ITGA5: variants seen among roughly 807,000 people sequenced by gnomAD.
The protein encoded by ITGA5 is integrin subunit alpha 5.
Under a neutral mutation model 146.3 loss-of-function variants are expected in ITGA5, and 55 were observed. The observed-to-expected ratio is 0.38, with a 90% CI of 0.30 to 0.47. ITGA5 has a LOEUF of 0.47. Ranked by LOEUF, ITGA5 falls within the 20% of genes least tolerant of loss-of-function variation. The pLI is 0.99. For missense variants in ITGA5, 1,131 were observed against 1,329.0 expected, an observed-to-expected ratio of 0.85 and a Z score of 2.32; for synonymous variants, 500 against 531.8, an observed-to-expected ratio of 0.94 and a Z score of 0.82.
At position 54,401,377 on chromosome 12, in the gene ITGA5, T is replaced by C; in HGVS notation, c.2489A>G (p.Tyr830Cys). Residue 830 changes from tyrosine to cysteine, a missense_variant, in exon 24 of 30, where the codon TAT (tyrosine) becomes TGT (cysteine). Coordinates refer to ENST00000293379, the MANE Select transcript of ITGA5 (RefSeq NM_002205.5). This position sits in a 1 kb window ranked among gnomAD's most constrained non-coding sequence, Gnocchi z 5.0. ...EDLGPAVHHV[Y>C]ELINQGPSSI... Reference sequence around the variant, plus strand: ...CCCTGCCCCTTCCCCCCTTACCTCATAGACATGGTGGACAGCAGGTCCCAG... The same window carrying C: ...CCCTGCCCCTTCCCCCCTTACCTCACAGACATGGTGGACAGCAGGTCCCAG... The C allele has an allele frequency of 1.2e-6, 2 of 1,608,372 alleles. No homozygotes were observed. Among genetic ancestry groups the C allele is most frequent in the Non-Finnish European group, 1.7e-6 (2 of 1,174,912 alleles).
At chr12:54,414,708 G>A (rs151105855) in intron 1 of ITGA5, among the ~76,000 whole-genome samples, 5,020 of 150,966 alleles carry the variant, frequency 0.033, 417 homozygotes, top group African/African-American at 0.12. Flanking sequence ...TTATCCGGGC[G>A]TGGTGGCGGG....
intron 2 of ITGA5, among the ~76,000 whole-genome samples, chr12:54,410,077 G>A (rs573945113): frequency 1.3e-5 from 2 of 151,916 alleles, no homozygotes; most frequent in African/African-American, 2.4e-5. Context: ...GGCTGATCTC[G>A]AACTCCTGAC....
rs1056835262 is a variant in ITGA5, at chr12:54,401,768, C to T, written c.2306+8G>A. The T allele has an allele frequency of 6.2e-7, 1 of 1,613,944 alleles. No individual in the cohort carries two copies. Among genetic ancestry groups the T allele is most frequent in the Non-Finnish European group, 8.5e-7 (1 of 1,179,820 alleles). ...CTCAGCCCCAGCCTAGACACACTCA[C>T]TCCCTACCTGAGGATCTGGAAGTCA... On this transcript the variant is annotated splice_region_variant and intron_variant, in intron 22 of 29. Transcript: ENST00000293379. The surrounding 1 kb of genome is among the most constrained non-coding windows in gnomAD (Gnocchi z 5.0).
Position 54,401,059 on chromosome 12 carries a change from TG to T in ITGA5, c.2494-65del. On this transcript the variant is annotated intron_variant, in intron 24 of 29. Transcript: ENST00000293379. This position sits in a 1 kb window ranked among gnomAD's most constrained non-coding sequence, Gnocchi z 5.0. ...GAATGCTTCTGCCCCATTGAGACCC[TG>T]GATCACCATGGCTCCACTATACCCT... 1 of 1,491,670 alleles carries T rather than the reference TG, an allele frequency of 6.7e-7. No homozygotes were observed. Among genetic ancestry groups the T allele is most frequent in the Non-Finnish European group, 9.2e-7 (1 of 1,087,374 alleles). 92.4% of individuals were successfully genotyped at this position (1,491,670 alleles called of 1,614,324 possible). A position where few individuals can be genotyped will look rare whatever the true frequency, so the allele number is the denominator to read the frequency against.
intron 25 of ITGA5, chr12:54,400,204 G>A: frequency 2.1e-6 from 1 of 485,140 alleles, no homozygotes; most frequent in Non-Finnish European, 3.7e-6. Context: ...TGCACTGGAT[G>A]TTCCCTTGGT....
intron 6 of ITGA5, 28 bp from the exon 7 acceptor site, chr12:54,408,263 T>C: frequency 6.2e-7 from 1 of 1,611,842 alleles, no homozygotes; most frequent in Non-Finnish European, 8.5e-7. Flanking sequence ...AGGGAGTAGA[T>C]GGAGAGGAAG....
rs764104678 is a variant in ITGA5, at chr12:54,405,179, C to T, written c.1212G>A (p.Gln404=). The change falls in exon 12 of 30, where the codon CAG becomes CAA. Residue 404 remains glutamine (Q), a synonymous_variant. Coordinates refer to ENST00000293379, the MANE Select transcript of ITGA5 (RefSeq NM_002205.5). Reference sequence around the variant, plus strand: ...CATGGTACTCACCATTGTAGCCATCCTGGTCCAGGTCCCCCAGGGGGGTCA... The same window carrying T: ...CATGGTACTCACCATTGTAGCCATCTTGGTCCAGGTCCCCCAGGGGGGTCA... ...SSLTPLGDLD[Q]DGYNDVAIGA... The T allele has an allele frequency of 6.2e-7, 1 of 1,602,912 alleles. No individual in the cohort carries two copies. The highest frequency in any genetic ancestry group is 2.2e-5 in the East Asian group (1 of 44,676).
intron 1 of ITGA5, among the ~76,000 whole-genome samples, chr12:54,418,174 C>G (rs1671070740): frequency 6.6e-6 from 1 of 152,050 alleles, no homozygotes. Context: ...CTCTTCCTCC[C>G]AAGAGCCAGA....
Position 54,399,626 on chromosome 12 carries a change from T to A in ITGA5, c.2841+19A>T. ...AGGCCCAAAGGTCAGGGGTCAGGGC[T>A]GAGGTAAGGCTCCCTCACCTGCAAG... On this transcript the variant is annotated intron_variant, in intron 27 of 29. Transcript: ENST00000293379. The A allele has an allele frequency of 6.4e-7, 1 of 1,571,428 alleles. No homozygotes were observed. Among genetic ancestry groups the A allele is most frequent in the East Asian group, 2.2e-5 (1 of 44,632 alleles).
intron 2 of ITGA5, among the ~76,000 whole-genome samples, chr12:54,410,553 T>A (rs1199588381): frequency 4.4e-5 from 6 of 135,126 alleles, no homozygotes; most frequent in African/African-American, 1.7e-4. Context: ...TTTATTTTAA[T>A]TTTTTTTTTT....
intron 28 of ITGA5, 50 bp from the exon 29 acceptor site, chr12:54,397,537 C>T: frequency 6.2e-7 from 1 of 1,606,992 alleles, no homozygotes; most frequent in Non-Finnish European, 8.5e-7. Flanking sequence ...GTTCTTTCTA[C>T]CCTATACTTG....
At position 54,398,615 on chromosome 12, in the gene ITGA5, C is replaced by G. The variant is rs767565107; in HGVS notation, c.2925G>C (p.Leu975=). The part of the protein sequence containing the change: ...KMPYRILPRQ[L]PQKERQVATA... Reference sequence around the variant, plus strand: ...GACTCACCTGACGCTCTTTTTGGGGCAGCTGCCGAGGCAGGATTCGGTAGG... The same window carrying G: ...GACTCACCTGACGCTCTTTTTGGGGGAGCTGCCGAGGCAGGATTCGGTAGG... Residue 975 remains leucine (L), a synonymous_variant, in exon 28 of 30, where the codon CTG becomes CTC. Coordinates refer to ENST00000293379, the MANE Select transcript of ITGA5 (RefSeq NM_002205.5). The G allele has an allele frequency of 3.7e-6, 6 of 1,611,092 alleles. No homozygotes were observed. Among genetic ancestry groups the G allele is most frequent in the Non-Finnish European group, 5.1e-6 (6 of 1,178,756 alleles).
Position 54,405,380 on chromosome 12 carries a change from G to T in ITGA5, c.1017-6C>A. The T allele has an allele frequency of 1.3e-6, 2 of 1,596,574 alleles. No homozygotes were observed. Among genetic ancestry groups the T allele is most frequent in the East Asian group, 2.2e-5 (1 of 44,460 alleles). On this transcript the variant is annotated splice_polypyrimidine_tract_variant and splice_region_variant and intron_variant, in intron 11 of 29. Transcript: ENST00000293379. ...CCACCAGCAAGTCATCCAGCCTGAGGGGAAGGGCAAACCCAGGCATCTCGA... is the reference window on the plus strand; with the variant it reads ...CCACCAGCAAGTCATCCAGCCTGAGTGGAAGGGCAAACCCAGGCATCTCGA...
intron 1 of ITGA5, 132 bp downstream of exon 1, chr12:54,418,849 C>T (rs1404170229): frequency 2.7e-6 from 3 of 1,108,896 alleles, no homozygotes; most frequent in African/African-American, 3.3e-5. Context: ...AGCCAGGGCC[C>T]CCAACTGCAG....
intron 1 of ITGA5, among the ~76,000 whole-genome samples, chr12:54,415,603 C>G (rs1046350487): frequency 6.6e-6 from 1 of 152,318 alleles, no homozygotes; most frequent in Non-Finnish European, 1.5e-5. Flanking sequence ...CCATTGCCAA[C>G]TTATTCCCTC....
intron 1 of ITGA5, among the ~76,000 whole-genome samples, chr12:54,415,002 G>T (rs957944780): frequency 1.3e-5 from 2 of 151,490 alleles, no homozygotes; most frequent in Non-Finnish European, 2.9e-5. Flanking sequence ...TACAAAATTA[G>T]CTGGGCGTGG....
Position 54,396,157 on chromosome 12 carries a change from G to A in ITGA5, c.*136C>T. On this transcript the variant is annotated 3_prime_UTR_variant, in exon 30 of 30. Coordinates refer to ENST00000293379, the MANE Select transcript of ITGA5 (RefSeq NM_002205.5). Reference sequence around the variant, plus strand: ...CACCCCCCTGGCTCTGGCCCTTCAAGTATGTCTCTGGGCTGGGGAGAGGAG... The same window carrying A: ...CACCCCCCTGGCTCTGGCCCTTCAAATATGTCTCTGGGCTGGGGAGAGGAG... 1.5e-6 allele frequency: 1 copy of A among 673,240 alleles called. No individual in the cohort carries two copies. Among genetic ancestry groups the A allele is most frequent in the Non-Finnish European group, 2.6e-6 (1 of 386,308 alleles). 41.7% of individuals were successfully genotyped at this position (673,240 alleles called of 1,614,324 possible).
At chr12:54,398,068 T>C (rs1474060313) in intron 28 of ITGA5, among the ~76,000 whole-genome samples, 2 of 152,100 alleles carry the variant, frequency 1.3e-5, no homozygotes, top group Admixed American at 1.3e-4. Flanking sequence ...TGGCTAATTT[T>C]TGTATTTTTT....
chr12:54,410,787 C>T (rs1955934848), intron 2 of ITGA5, among the ~76,000 whole-genome samples: 1 of 151,522 alleles, frequency 6.6e-6, no homozygotes, highest in African/African-American at 2.4e-5. Context: ...AGTGCAGTGA[C>T]ATGATTTCAG....
Sources: gnomAD v4.1 joint callset for allele counts (sites outside exome capture counted in the v4.1 genomes callset) on GRCh38, gnomAD v4.1.1 for gene constraint, Gnocchi (gnomAD v3.1) non-coding constraint, MANE v1.5 for transcripts, NCBI Gene and HGNC (gene_info 2026-07-23, HGNC 2026-07-21) for gene names.